PDE7B: variants seen among roughly 807,000 people sequenced by gnomAD.
PDE7B encodes the protein phosphodiesterase 7B.
In PDE7B, 29 loss-of-function variants were observed where a neutral mutation model predicts 56.2. That is an observed-to-expected ratio of 0.52 (90% CI 0.38 to 0.70). PDE7B has a LOEUF of 0.70. Among genes scored for constraint, PDE7B ranks in the 30% least tolerant of loss-of-function variants. The probability of loss-of-function intolerance (pLI) is 0.00; values close to 1 mark genes in which losing one functional copy is unlikely to be tolerated. For synonymous variants in PDE7B, 197 were observed against 196.9 expected, an observed-to-expected ratio of 1.00 and a Z score of 0.00; for missense variants, 490 against 565.0, an observed-to-expected ratio of 0.87 and a Z score of 1.35.
rs763165817 is a variant in PDE7B at position 136,151,216 on chromosome 6, C to G, written c.439C>G (p.His147Asp). ...CTTCAATACCCATGGACTCATTCAC[C>G]ATTTCAAGTTAGATATGGTGACCTT... ...HLFNTHGLIH[H>D]FKLDMVTLHR... Residue 147 changes from histidine (H) to aspartate (D), a missense_variant, in exon 6 of 13, where the codon CAT (histidine) becomes GAT (aspartate). Transcript: ENST00000308191. 11 of 1,610,912 alleles carry G rather than the reference C, an allele frequency of 6.8e-6. No homozygotes were observed. The highest frequency in any genetic ancestry group is 3.3e-4 in the Middle Eastern group (2 of 6,056).
intron 3 of PDE7B, among the ~76,000 whole-genome samples, chr6:136,140,977 T>C (rs568326415): frequency 3.3e-5 from 5 of 152,146 alleles, no homozygotes; most frequent in East Asian, 1.9e-4. Context: ...TGCCTGATTG[T>C]CCTGGCCAGA....
intron 2 of PDE7B, among the ~76,000 whole-genome samples, chr6:136,086,093 A>G (rs1434598498): frequency 6.6e-6 from 1 of 152,176 alleles, no homozygotes; most frequent in African/African-American, 2.4e-5. Flanking sequence ...ATTCTGCAGT[A>G]CTTTCTAATA....
At chr6:135,940,629 C>G (rs1475840029) in intron 1 of PDE7B, among the ~76,000 whole-genome samples, 1 of 152,170 alleles carries the variant, frequency 6.6e-6, no homozygotes, top group African/African-American at 2.4e-5. Flanking sequence ...AGGGATCTGT[C>G]TTTGATTAGT....
At chr6:136,126,647 T>C (rs1478206588) in intron 3 of PDE7B, among the ~76,000 whole-genome samples, 1 of 152,180 alleles carries the variant, frequency 6.6e-6, no homozygotes, top group Non-Finnish European at 1.5e-5. Flanking sequence ...TTAATGGCAT[T>C]TGCAGCAAAC....
intron 1 of PDE7B, among the ~76,000 whole-genome samples, chr6:135,946,283 A>C (rs1774594727): frequency 1.3e-5 from 2 of 151,154 alleles, no homozygotes; most frequent in Non-Finnish European, 3.0e-5. Context: ...TATACATATT[A>C]TATATATATG....
intron 7 of PDE7B, 152 bp from the exon 8 acceptor site, chr6:136,155,475 C>T: frequency 1.5e-6 from 1 of 648,988 alleles, no homozygotes; most frequent in East Asian, 2.6e-5. Context: ...TTTCATGTGA[C>T]TATCACCTCA....
At chr6:135,940,042 AT>A (rs1243150283) in intron 1 of PDE7B, among the ~76,000 whole-genome samples, 4 of 151,372 alleles carry the variant, frequency 2.6e-5, no homozygotes, top group Admixed American at 1.3e-4. Context: ...GTCCATAAAG[AT>A]TTTTTTTTAA....
At chr6:135,943,196 A>G (rs1774536456) in intron 1 of PDE7B, among the ~76,000 whole-genome samples, 1 of 152,248 alleles carries the variant, frequency 6.6e-6, no homozygotes, top group Non-Finnish European at 1.5e-5. Flanking sequence ...CAATAATTTA[A>G]ATCAGTACAT....
chr6:136,182,011 C>T (rs1183273908), intron 11 of PDE7B, among the ~76,000 whole-genome samples: 1 of 152,126 alleles, frequency 6.6e-6, no homozygotes, highest in East Asian at 1.9e-4. Flanking sequence ...TTTCAATGTG[C>T]AGGATGTTTG....
intron 3 of PDE7B, among the ~76,000 whole-genome samples, chr6:136,119,627 A>G (rs1179186247): frequency 7.2e-5 from 11 of 152,234 alleles, no homozygotes; most frequent in African/African-American, 2.4e-4. Context: ...CAAAGTTCTT[A>G]TTCACATTTG....
rs550198192 is a variant in PDE7B at position 135,872,526 on chromosome 6, G to A, written c.21+20507G>A. On this transcript the variant is annotated intron_variant, in intron 1 of 12. Coordinates refer to ENST00000308191, the MANE Select transcript of PDE7B (RefSeq NM_018945.4). The stretch of plus-strand genomic sequence containing the variant: ...AGTATGTCAAATGCAAGTGTTCACA[G>A]TATATTAAAAATTGGTTAGGAATCA... Among the ~76,000 whole-genome samples, 91 of 152,290 alleles carry A rather than the reference G, an allele frequency of 6.0e-4. 1 individual carries two copies. The highest frequency in any genetic ancestry group is 1.1e-3 in the Non-Finnish European group (78 of 68,002).
intron 3 of PDE7B, among the ~76,000 whole-genome samples, chr6:136,136,550 ATAAC>A (rs1359042870): frequency 6.6e-6 from 1 of 152,084 alleles, no homozygotes; most frequent in Non-Finnish European, 1.5e-5. Flanking sequence ...CATTGAAAAA[ATAAC>A]TAAAAGAGTA....
intron 1 of PDE7B, among the ~76,000 whole-genome samples, chr6:135,874,153 G>T (rs1005213992): frequency 2.6e-5 from 4 of 152,154 alleles, no homozygotes; most frequent in African/African-American, 7.2e-5. Context: ...AAACCATGCA[G>T]ATACCTGGGG....
intron 1 of PDE7B, among the ~76,000 whole-genome samples, chr6:135,906,719 A>C (rs944228620): frequency 3.3e-5 from 5 of 151,070 alleles, no homozygotes; most frequent in African/African-American, 4.9e-5. Flanking sequence ...GAACGTACTT[A>C]TATAGTGTCC....
At chr6:136,081,948 C>T (rs1777211875) in intron 2 of PDE7B, among the ~76,000 whole-genome samples, 1 of 152,214 alleles carries the variant, frequency 6.6e-6, no homozygotes, top group African/African-American at 2.4e-5. Flanking sequence ...GGTCAAACTA[C>T]AGCTTCCTGA....
intron 2 of PDE7B, among the ~76,000 whole-genome samples, chr6:136,001,441 G>T (rs534412411): frequency 6.6e-6 from 1 of 152,212 alleles, no homozygotes; most frequent in Admixed American, 6.5e-5. Context: ...CAAAGAAGCT[G>T]AAAACTTTGA....
chr6:136,009,182 C>A, intron 2 of PDE7B, among the ~76,000 whole-genome samples: 1 of 151,870 alleles, frequency 6.6e-6, no homozygotes, highest in African/African-American at 2.4e-5. Flanking sequence ...CTGTTCTGTT[C>A]CATTGGTCTA....
At chr6:135,889,216 C>T (rs1562426205) in intron 1 of PDE7B, among the ~76,000 whole-genome samples, 1 of 152,086 alleles carries the variant, frequency 6.6e-6, no homozygotes, top group Non-Finnish European at 1.5e-5. Flanking sequence ...GAGTATAGGT[C>T]TAATGTGACT....
At chr6:136,132,067 A>ATT (rs1311640305) in intron 3 of PDE7B, among the ~76,000 whole-genome samples, 1 of 152,152 alleles carries the variant, frequency 6.6e-6, no homozygotes, top group Non-Finnish European at 1.5e-5. Flanking sequence ...GAGATCTACC[A>ATT]TCTTAGCAAA....
Sources: gnomAD v4.1 joint callset for allele counts (sites outside exome capture counted in the v4.1 genomes callset) on GRCh38, gnomAD v4.1.1 for gene constraint, MANE v1.5 for transcripts, NCBI Gene and HGNC (gene_info 2026-07-23, HGNC 2026-07-21) for gene names.